Variants in ADCY2 observed in about 807,000 individuals in gnomAD.
ADCY2 encodes the protein adenylate cyclase 2.
A neutral mutation model predicts 125.2 loss-of-function variants in ADCY2; 31 were observed. That is an observed-to-expected ratio of 0.25 (90% CI 0.19 to 0.33). The LOEUF is 0.33. ADCY2 is among the 10% of genes least tolerant of loss of function. The probability of loss-of-function intolerance (pLI) is 1.00; values close to 1 mark genes in which losing one functional copy is unlikely to be tolerated. For missense variants in ADCY2, 904 were observed against 1,418.2 expected (o/e 0.64, Z 5.82); for synonymous variants, 512 against 548.4 (o/e 0.93, Z 0.93).
intron 6 of ADCY2, 47 bp downstream of exon 6, chr5:7,695,910 G>C: frequency 1.4e-6 from 2 of 1,392,620 alleles, no homozygotes; most frequent in Non-Finnish European, 2.0e-6. Context: ...CTAAACTCTT[G>C]GTTTCGTTTT....
At chr5:7,721,632 A>G (rs1008542847) in intron 12 of ADCY2, among the ~76,000 whole-genome samples, 1 of 152,212 alleles carries the variant, frequency 6.6e-6, no homozygotes. Context: ...CAGTTTTCCC[A>G]GCACCATTTA....
chr5:7,656,799 G>A (rs1029579264), intron 4 of ADCY2, among the ~76,000 whole-genome samples: 2 of 152,198 alleles, frequency 1.3e-5, no homozygotes, highest in Non-Finnish European at 2.9e-5. Flanking sequence ...ATAGTCCCTA[G>A]GAATGAAAGC....
intron 12 of ADCY2, among the ~76,000 whole-genome samples, chr5:7,722,245 G>A (rs969956684): frequency 3.3e-5 from 5 of 152,102 alleles, no homozygotes; most frequent in Admixed American, 6.5e-5. Context: ...AGCCCTTGCC[G>A]TCCACCTGTA....
In ADCY2 at chr5:7,789,820, G is replaced by T; in HGVS notation, c.2628+20G>T. ...AATGAGGTCAGACCAGGGGGGCTGG[G>T]GGCTGGGGGAGGGGGCTGGATGCCA... On this transcript the variant is annotated intron_variant, in intron 20 of 24. Coordinates refer to ENST00000338316, the MANE Select transcript of ADCY2 (RefSeq NM_020546.3). 1 of 1,490,312 alleles carries T rather than the reference G, an allele frequency of 6.7e-7. No homozygotes were observed. 92.3% of individuals were successfully genotyped at this position (1,490,312 alleles called of 1,614,324 possible).
chr5:7,758,156 A>G (rs1391565377), intron 16 of ADCY2, among the ~76,000 whole-genome samples: 2 of 152,196 alleles, frequency 1.3e-5, no homozygotes, highest in East Asian at 3.9e-4. Flanking sequence ...CACTTCTTTG[A>G]AAGTGGGAAC....
intron 2 of ADCY2, among the ~76,000 whole-genome samples, chr5:7,455,134 A>G (rs148519236): frequency 1.5e-4 from 23 of 152,294 alleles, no homozygotes; most frequent in African/African-American, 4.8e-4. Context: ...GCATACTGCC[A>G]TCTTTCCTAG....
chr5:7,483,921 A>T (rs1167392719), intron 2 of ADCY2, among the ~76,000 whole-genome samples: 2 of 152,188 alleles, frequency 1.3e-5, no homozygotes, highest in East Asian at 3.8e-4. Flanking sequence ...CTTGCATATT[A>T]CTGGGAAATT....
chr5:7,607,997 G>T (rs1737440721), intron 3 of ADCY2, among the ~76,000 whole-genome samples: 1 of 152,200 alleles, frequency 6.6e-6, no homozygotes, highest in Admixed American at 6.5e-5. Flanking sequence ...CTTCAGCCTT[G>T]AGAGCTCTGA....
At chr5:7,706,622 G>A (rs1741275156) in intron 7 of ADCY2, 122 bp from the exon 8 acceptor site, 6 of 1,135,792 alleles carry the variant, frequency 5.3e-6, no homozygotes, top group Non-Finnish European at 6.5e-6. Flanking sequence ...GCCATAGGAA[G>A]GTTTATGGTC....
At chr5:7,452,790 A>G (rs368078022) in intron 2 of ADCY2, among the ~76,000 whole-genome samples, 1 of 152,174 alleles carries the variant, frequency 6.6e-6, no homozygotes, top group South Asian at 2.1e-4. Flanking sequence ...AATAATGACT[A>G]TTCTGGTTAG....
At chr5:7,822,443 A>T (rs1455502090) in intron 24 of ADCY2, among the ~76,000 whole-genome samples, 1 of 152,274 alleles carries the variant, frequency 6.6e-6, no homozygotes, top group East Asian at 1.9e-4. Flanking sequence ...CCAGTGTAAT[A>T]TCTGTCCCCC....
rs778086811 is a variant in ADCY2, at chr5:7,723,943, A to AAAAAAAAG, written c.1704-601_1704-600insAAAAAAGA. The stretch of plus-strand genomic sequence containing the variant: ...CTCAAAAAAAAAAAAAAAAAAAAAA[A>AAAAAAAAG]AGAGAAAAGAAAAAACTTTATTCAA... On this transcript the variant is annotated intron_variant, in intron 12 of 24. Transcript: ENST00000338316. Among the ~76,000 whole-genome samples, 317 of 143,890 alleles carry AAAAAAAAG rather than the reference A, an allele frequency of 2.2e-3. 1 individual carries two copies. Among genetic ancestry groups the AAAAAAAAG allele is most frequent in the Non-Finnish European group, 3.5e-3 (230 of 65,740 alleles). The allele number at this position is 143,890 out of a possible 152,430, so 94.4% of individuals were successfully genotyped here.
intron 4 of ADCY2, among the ~76,000 whole-genome samples, chr5:7,678,498 T>C (rs1740208226): frequency 6.6e-6 from 1 of 152,210 alleles, no homozygotes; most frequent in African/African-American, 2.4e-5. Context: ...ATAATGCATA[T>C]TGTGATAAAA....
chr5:7,815,520 TAAAGG>T (rs1745080960), intron 22 of ADCY2, among the ~76,000 whole-genome samples: 1 of 152,170 alleles, frequency 6.6e-6, no homozygotes, highest in Admixed American at 6.5e-5. Flanking sequence ...TCAGGACATT[TAAAGG>T]AATTAAATGA....
At chr5:7,476,654 C>A (rs751941620) in intron 2 of ADCY2, among the ~76,000 whole-genome samples, 2 of 152,138 alleles carry the variant, frequency 1.3e-5, no homozygotes, top group Non-Finnish European at 2.9e-5. Flanking sequence ...ATCCAGATTT[C>A]CCAAAAGCCG....
chr5:7,499,060 T>A (rs1743448894), intron 2 of ADCY2, among the ~76,000 whole-genome samples: 1 of 152,148 alleles, frequency 6.6e-6, no homozygotes, highest in Admixed American at 6.5e-5. Flanking sequence ...CAGGCTGGAG[T>A]GCAGTGGTGC....
intron 2 of ADCY2, among the ~76,000 whole-genome samples, chr5:7,477,191 A>G (rs1164605609): frequency 2.0e-5 from 1 of 50,056 alleles, no homozygotes; most frequent in Non-Finnish European, 3.9e-5. Flanking sequence ...TGCAGAAAGG[A>G]CTTGATGTTT....
chr5:7,594,303 G>T (rs1736937556), intron 3 of ADCY2, among the ~76,000 whole-genome samples: 1 of 152,170 alleles, frequency 6.6e-6, no homozygotes, highest in Admixed American at 6.5e-5. Context: ...CACACACATT[G>T]AAATATCTAA....
chr5:7,747,273 G>A (rs976699476), intron 15 of ADCY2, among the ~76,000 whole-genome samples: 12 of 152,172 alleles, frequency 7.9e-5, no homozygotes, highest in Non-Finnish European at 1.3e-4. Flanking sequence ...TTTTTACACC[G>A]TGGGACTGAC....
Sources: gnomAD v4.1 joint callset for allele counts (sites outside exome capture counted in the v4.1 genomes callset) on GRCh38, gnomAD v4.1.1 for gene constraint, MANE v1.5 for transcripts, NCBI Gene and HGNC (gene_info 2026-07-23, HGNC 2026-07-21) for gene names.